The following KYNU variants were observed in gnomAD, a reference collection of about 807,000 sequenced individuals.
KYNU encodes kynureninase.
Under a neutral mutation model 59.2 loss-of-function variants are expected in KYNU, and 54 were observed. The observed-to-expected ratio is 0.91, with a 90% CI of 0.73 to 1.14. The LOEUF is 1.14. KYNU is among the 50% of genes most tolerant of loss of function. The pLI is 0.00. For synonymous variants in KYNU, 177 were observed against 192.0 expected (o/e 0.92, Z 0.65); for missense variants, 567 against 554.4 (o/e 1.02, Z -0.23).
chr2:143,050,119 A>G lies in KYNU; in HGVS notation c.*7947A>G, dbSNP rs933450007. On this transcript the variant is annotated 3_prime_UTR_variant, in exon 14 of 14. Coordinates refer to ENST00000264170, the MANE Select transcript of KYNU (RefSeq NM_003937.3). Reference sequence around the variant, plus strand: ...GTAAAATCTATTTTATGTAAACATGATAATTAAATATATATTTAAATAATA... The same window carrying G: ...GTAAAATCTATTTTATGTAAACATGGTAATTAAATATATATTTAAATAATA... 1 of 148,540 alleles carries G rather than the reference A, an allele frequency of 6.7e-6. No individual in the cohort carries two copies. Among genetic ancestry groups the G allele is most frequent in the Admixed American group, 6.7e-5 (1 of 14,832 alleles). The allele number at this position is 148,540 out of a possible 1,614,324, so 9.2% of individuals were successfully genotyped here.
intron 2 of KYNU, among the ~76,000 whole-genome samples, chr2:142,896,187 C>T (rs1031767652): frequency 5.9e-5 from 9 of 152,128 alleles, no homozygotes; most frequent in Non-Finnish European, 1.3e-4. Context: ...ATATTTTTAA[C>T]TTTATAAGAA....
At chr2:143,026,764 G>A (rs1160280557) in intron 10 of KYNU, among the ~76,000 whole-genome samples, 1 of 148,374 alleles carries the variant, frequency 6.7e-6, no homozygotes, top group African/African-American at 2.5e-5. Flanking sequence ...TCCGCAGTCC[G>A]CATTAGTGTT....
At chr2:142,989,953 T>G (rs569071643) in intron 10 of KYNU, 1 of 152,014 alleles carries the variant, frequency 6.6e-6, no homozygotes, top group African/African-American at 2.4e-5. Context: ...CTTTTTTGTT[T>G]AAATATGCAT....
intron 4 of KYNU, among the ~76,000 whole-genome samples, chr2:142,949,238 G>T (rs938783755): frequency 2.0e-5 from 3 of 152,162 alleles, no homozygotes; most frequent in African/African-American, 4.8e-5. Flanking sequence ...GCTTTTCTGG[G>T]CGCATGGTGC....
At chr2:142,991,786 T>G (rs1685405235) in intron 10 of KYNU, among the ~76,000 whole-genome samples, 1 of 151,950 alleles carries the variant, frequency 6.6e-6, no homozygotes. Context: ...TTCAACAATA[T>G]ACAACTGGTG....
intron 10 of KYNU, among the ~76,000 whole-genome samples, chr2:143,018,556 G>A (rs189345173): frequency 1.3e-5 from 2 of 151,726 alleles, no homozygotes; most frequent in East Asian, 3.9e-4. Flanking sequence ...AGTATAGTTT[G>A]AAGTCAAGTC....
At chr2:142,911,672 C>T (rs576703246) in intron 2 of KYNU, among the ~76,000 whole-genome samples, 4 of 152,166 alleles carry the variant, frequency 2.6e-5, no homozygotes, top group South Asian at 2.1e-4. Context: ...GTATGATGTT[C>T]GCTGTGAGTT....
chr2:142,911,805 A>G (rs1682488607), intron 2 of KYNU, among the ~76,000 whole-genome samples: 1 of 152,160 alleles, frequency 6.6e-6, no homozygotes, highest in South Asian at 2.1e-4. Context: ...TGACATGATC[A>G]TATGGTTTTT....
rs376660035 is a variant in KYNU at position 143,037,605 on chromosome 2, T to C, written c.1042-2823T>C. On this transcript the variant is annotated intron_variant, in intron 12 of 13. Transcript: ENST00000264170. Reference sequence around the variant, plus strand: ...CATCACACCAAACTTATTTTTCCTGTTTAAACTTATCTAGCTTTTCAAGCT... The same window carrying C: ...CATCACACCAAACTTATTTTTCCTGCTTAAACTTATCTAGCTTTTCAAGCT... Among the ~76,000 whole-genome samples, 21 of 152,294 alleles carry C rather than the reference T, an allele frequency of 1.4e-4. 1 individual carries two copies. The East Asian group carries it at 3.5e-3, about 25-fold the overall frequency.
chr2:142,884,676 G>GT (rs1163547196), intron 1 of KYNU, among the ~76,000 whole-genome samples: 5 of 82,918 alleles, frequency 6.0e-5, no homozygotes, highest in Non-Finnish European at 1.4e-4. Flanking sequence ...CTATTATTTT[G>GT]TTTCTCTTTT....
At position 143,042,186 on chromosome 2, in the gene KYNU, A is replaced by G. The variant is rs1447978758; in HGVS notation, c.*14A>G. ...ACAAAAAATTAGCAGTGTTTTCTAG[A>G]ACAACTTAAGCAAATTATACTGAAA... is the stretch of plus-strand genomic sequence containing the variant. On this transcript the variant is annotated 3_prime_UTR_variant, in exon 14 of 14. Coordinates refer to ENST00000264170, the MANE Select transcript of KYNU (RefSeq NM_003937.3). 6.2e-7 allele frequency: 1 copy of G among 1,606,456 alleles called. No individual in the cohort carries two copies. The highest frequency in any genetic ancestry group is 1.3e-5 in the African/African-American group (1 of 74,670).
intron 10 of KYNU, among the ~76,000 whole-genome samples, chr2:142,999,402 C>A (rs1288815553): frequency 6.6e-6 from 1 of 152,056 alleles, no homozygotes; most frequent in South Asian, 2.1e-4. Flanking sequence ...ATTAACATTT[C>A]TTTTTGTTGG....
intron 8 of KYNU, among the ~76,000 whole-genome samples, chr2:142,982,206 G>A (rs73964611): frequency 0.019 from 2,870 of 152,044 alleles, 95 homozygotes; most frequent in African/African-American, 0.066. Context: ...TAAACTAATC[G>A]TACACATAGT....
At chr2:142,975,623 G>C (rs992445069) in intron 8 of KYNU, among the ~76,000 whole-genome samples, 1 of 152,162 alleles carries the variant, frequency 6.6e-6, no homozygotes, top group African/African-American at 2.4e-5. Context: ...ACACTCGCCT[G>C]CATGCTCCCC....
At chr2:142,978,741 A>G (rs1684967008) in intron 8 of KYNU, among the ~76,000 whole-genome samples, 1 of 152,192 alleles carries the variant, frequency 6.6e-6, no homozygotes, top group African/African-American at 2.4e-5. Context: ...ATAAGAGCGT[A>G]TCAATGCATA....
intron 4 of KYNU, among the ~76,000 whole-genome samples, chr2:142,934,809 G>A (rs543358959): frequency 4.6e-5 from 7 of 152,202 alleles, no homozygotes; most frequent in Admixed American, 4.6e-4. Context: ...GAAGGGATGG[G>A]GGCGGTCCTT....
At chr2:143,040,155 C>T (rs1686995687) in intron 12 of KYNU, among the ~76,000 whole-genome samples, 1 of 151,864 alleles carries the variant, frequency 6.6e-6, no homozygotes, top group Admixed American at 6.6e-5. Flanking sequence ...TGGCCTGCCA[C>T]AGGTACATGA....
In KYNU at chr2:143,047,726, A is replaced by T. The variant is rs961815425; in HGVS notation, c.*5554A>T. On this transcript the variant is annotated 3_prime_UTR_variant, in exon 14 of 14. Transcript: ENST00000264170. Reference sequence around the variant, plus strand: ...ATGCCACGATGCCAAGCTAATTTTTAAAAATAATTTTTTTTGTAGATTCAG... The same window carrying T: ...ATGCCACGATGCCAAGCTAATTTTTTAAAATAATTTTTTTTGTAGATTCAG... The T allele has an allele frequency of 2.0e-5, 3 of 151,342 alleles. No homozygotes were observed. The highest frequency in any genetic ancestry group is 4.9e-5 in the African/African-American group (2 of 41,084). 9.4% of individuals were successfully genotyped at this position (151,342 alleles called of 1,614,324 possible).
chr2:143,005,905 A>G (rs1489502585), intron 10 of KYNU, among the ~76,000 whole-genome samples: 1 of 152,188 alleles, frequency 6.6e-6, no homozygotes, highest in Non-Finnish European at 1.5e-5. Context: ...ACATTGCTTC[A>G]GTTCATGCTG....
Sources: gnomAD v4.1 joint callset for allele counts (sites outside exome capture counted in the v4.1 genomes callset) on GRCh38, gnomAD v4.1.1 for gene constraint, MANE v1.5 for transcripts, NCBI Gene and HGNC (gene_info 2026-07-23, HGNC 2026-07-21) for gene names.